Variants in ZC2HC1A observed in about 807,000 individuals in gnomAD.
ZC2HC1A encodes the protein zinc finger C2HC-type containing 1A.
Under a neutral mutation model 40.7 loss-of-function variants are expected in ZC2HC1A, and 28 were observed. The ratio of observed to expected loss-of-function variants is 0.69; its 90% CI spans 0.51 to 0.94. ZC2HC1A has a LOEUF of 0.94. ZC2HC1A is among the 40% of genes least tolerant of loss of function. The pLI, the probability that ZC2HC1A is intolerant of heterozygous loss-of-function variation, is 0.00. For missense variants in ZC2HC1A, 389 were observed against 386.3 expected, an observed-to-expected ratio of 1.01 and a Z score of -0.06; for synonymous variants, 129 against 129.2, an observed-to-expected ratio of 1.00 and a Z score of 0.01.
In ZC2HC1A at chr8:78,698,415, T is replaced by TGTTC. The variant is rs979636129; in HGVS notation, c.607_610dup (p.Pro204ArgfsTer5). On this transcript the variant is annotated frameshift_variant and splice_region_variant, in exon 7 of 9. Transcript: ENST00000263849. LOFTEE classifies it high-confidence loss of function. ...AAAATAATGCTTTTTTATTATAAGG[T>TGTTC]GTTCCTTCAGGTAAAGTGTCTTCAA... 1.1e-5 allele frequency: 18 copies of TGTTC among 1,608,742 alleles called. No individual in the cohort carries two copies. Among genetic ancestry groups the TGTTC allele is most frequent in the Non-Finnish European group, 1.5e-5 (18 of 1,177,646 alleles).
At chr8:78,717,293 A>G in intron 8 of ZC2HC1A, 35 bp from the exon 9 acceptor site, 1 of 1,589,952 alleles carries the variant, frequency 6.3e-7, no homozygotes. Context: ...TACTGATACA[A>G]ACTTTATCTT....
At chr8:78,711,923 TA>T (rs1469431903) in intron 7 of ZC2HC1A, 1 of 1,029,058 alleles carries the variant, frequency 9.7e-7, no homozygotes, top group Non-Finnish European at 1.3e-6. Flanking sequence ...TAATGTCTTT[TA>T]AAAAAACTTT....
intron 8 of ZC2HC1A, among the ~76,000 whole-genome samples, chr8:78,716,313 C>T (rs1350351930): frequency 3.3e-5 from 5 of 151,270 alleles, no homozygotes; most frequent in Admixed American, 6.6e-5. Flanking sequence ...TTATTAGAGA[C>T]GGGGTTTCAC....
At chr8:78,704,009 C>G (rs1810689343) in intron 7 of ZC2HC1A, among the ~76,000 whole-genome samples, 1 of 152,112 alleles carries the variant, frequency 6.6e-6, no homozygotes, top group African/African-American at 2.4e-5. Context: ...ATTTGCTGGT[C>G]TGAAAAAGGT....
chr8:78,687,814 AAT>A (rs1334634175), intron 4 of ZC2HC1A, among the ~76,000 whole-genome samples: 1 of 132,360 alleles, frequency 7.6e-6, no homozygotes, highest in Non-Finnish European at 1.6e-5. Context: ...TCATGTAATA[AAT>A]ATATATATTC....
intron 1 of ZC2HC1A, among the ~76,000 whole-genome samples, chr8:78,671,434 T>G (rs1314895825): frequency 1.3e-5 from 2 of 152,212 alleles, no homozygotes; most frequent in Admixed American, 1.3e-4. Flanking sequence ...TCACCAATAA[T>G]CACCCCTCTG....
At chr8:78,700,851 C>G (rs1267269478) in intron 7 of ZC2HC1A, among the ~76,000 whole-genome samples, 1 of 151,948 alleles carries the variant, frequency 6.6e-6, no homozygotes. Context: ...CTATTCTGTT[C>G]CACTGGTCCA....
At chr8:78,701,559 C>CT (rs1810604708) in intron 7 of ZC2HC1A, among the ~76,000 whole-genome samples, 1 of 152,150 alleles carries the variant, frequency 6.6e-6, no homozygotes, top group Admixed American at 6.5e-5. Flanking sequence ...GAAAGGGCAT[C>CT]TTTGTCTTGT....
At chr8:78,670,441 G>A (rs756613570) in intron 1 of ZC2HC1A, among the ~76,000 whole-genome samples, 37 of 152,258 alleles carry the variant, frequency 2.4e-4, no homozygotes, top group Non-Finnish European at 3.2e-4. Flanking sequence ...AAGGATTTCT[G>A]ATAAAATAAA....
At chr8:78,695,719 T>G (rs943015881) in intron 5 of ZC2HC1A, among the ~76,000 whole-genome samples, 7 of 152,200 alleles carry the variant, frequency 4.6e-5, no homozygotes, top group Non-Finnish European at 7.3e-5. Context: ...TTTTAAAAAA[T>G]CAGTATCATT....
intron 3 of ZC2HC1A, among the ~76,000 whole-genome samples, chr8:78,680,278 C>A (rs1241374220): frequency 9.0e-6 from 1 of 111,196 alleles, no homozygotes; most frequent in African/African-American, 3.6e-5. Flanking sequence ...CAGAGCGAGA[C>A]TCCGTCTCAA....
At chr8:78,699,827 C>G (rs1314892103) in intron 7 of ZC2HC1A, among the ~76,000 whole-genome samples, 2 of 152,102 alleles carry the variant, frequency 1.3e-5, no homozygotes, top group African/African-American at 4.8e-5. Context: ...GCATAGTATT[C>G]CATGGTGTTT....
At chr8:78,683,361 C>T (rs1197476040) in intron 3 of ZC2HC1A, among the ~76,000 whole-genome samples, 1 of 152,252 alleles carries the variant, frequency 6.6e-6, no homozygotes, top group African/African-American at 2.4e-5. Flanking sequence ...TCTCTGAAAT[C>T]TAGTCAGAGG....
intron 7 of ZC2HC1A, among the ~76,000 whole-genome samples, chr8:78,709,045 T>A (rs1170502665): frequency 6.6e-6 from 1 of 152,218 alleles, no homozygotes. Flanking sequence ...TTTCCCCATT[T>A]GAATTGTTCC....
chr8:78,669,969 TTC>T (rs1392213560), intron 1 of ZC2HC1A, among the ~76,000 whole-genome samples: 5,525 of 146,434 alleles, frequency 0.038, 262 homozygotes, highest in African/African-American at 0.13. Context: ...CTTTCTTTCT[TTC>T]TTTTTTTTTT....
chr8:78,712,701 G>A (rs1383348326), intron 7 of ZC2HC1A, among the ~76,000 whole-genome samples: 5 of 152,074 alleles, frequency 3.3e-5, no homozygotes, highest in South Asian at 2.1e-4. Context: ...AGAGTGTGTG[G>A]CAATGGCAGT....
chr8:78,669,533 C>A (rs1164503206), intron 1 of ZC2HC1A, among the ~76,000 whole-genome samples: 1 of 144,108 alleles, frequency 6.9e-6, no homozygotes, highest in Non-Finnish European at 1.5e-5. Context: ...AGAGAAAGGA[C>A]TTTAAAGGTG....
rs1243145013 is a variant in ZC2HC1A, at chr8:78,687,529, T to A, written c.352+921T>A. On this transcript the variant is annotated intron_variant, in intron 4 of 8. Transcript: ENST00000263849. ...AATTATATATATTTATATAATAAAT[T>A]ATATATTTATATAATAAATTTTATA... 2.1e-5 allele frequency among the ~76,000 whole-genome samples: 3 copies of A among 143,876 alleles called. No individual in the cohort carries two copies. In the South Asian group the frequency reaches 6.3e-4, roughly 30 times the overall value. 94.4% of individuals were successfully genotyped at this position (143,876 alleles called of 152,430 possible). A position where few individuals can be genotyped will look rare whatever the true frequency, so the allele number is the denominator to read the frequency against.
At chr8:78,681,797 T>C (rs1809791734) in intron 3 of ZC2HC1A, among the ~76,000 whole-genome samples, 1 of 152,122 alleles carries the variant, frequency 6.6e-6, no homozygotes, top group Non-Finnish European at 1.5e-5. Context: ...AATTATTAAA[T>C]TTATTGGCAT....
Sources: allele counts gnomAD v4.1 joint callset (sites outside exome capture counted in the v4.1 genomes callset), GRCh38; gene constraint gnomAD v4.1.1; transcripts MANE v1.5; gene names NCBI Gene and HGNC (gene_info 2026-07-23, HGNC 2026-07-21).